Variants in CTNNA3 observed in about 807,000 individuals in gnomAD.
CTNNA3 encodes the protein catenin alpha 3, also known as catenin alpha-3.
In CTNNA3, 76 loss-of-function variants were observed where a neutral mutation model predicts 95.7. The ratio of observed to expected loss-of-function variants is 0.79; its 90% confidence interval spans 0.66 to 0.96. The LOEUF is 0.96. CTNNA3 is among the 40% of genes least tolerant of loss of function. CTNNA3 has a pLI of 0.00. For missense variants in CTNNA3, 1,191 were observed against 1,089.8 expected (o/e 1.09, Z -1.31); for synonymous variants, 431 against 374.4 (o/e 1.15, Z -1.74).
At chr10:67,226,403 T>C (rs1347063162) in intron 5 of CTNNA3, among the ~76,000 whole-genome samples, 2 of 152,090 alleles carry the variant, frequency 1.3e-5, no homozygotes, top group Non-Finnish European at 1.5e-5. Flanking sequence ...GAACAGATCG[T>C]CTCCTAGACA....
intron 11 of CTNNA3, among the ~76,000 whole-genome samples, chr10:66,498,205 T>C (rs915577422): frequency 6.6e-6 from 1 of 152,066 alleles, no homozygotes; most frequent in South Asian, 2.1e-4. Flanking sequence ...TAAAAGAGCA[T>C]AGGATAATAG....
chr10:67,298,495 A>G (rs1001100989), intron 5 of CTNNA3, among the ~76,000 whole-genome samples: 2 of 152,230 alleles, frequency 1.3e-5, no homozygotes, highest in African/African-American at 4.8e-5. Context: ...CAACATGCAT[A>G]TATCTAAAGT....
chr10:66,208,036 A>C (rs959637966), intron 13 of CTNNA3, among the ~76,000 whole-genome samples: 2 of 152,074 alleles, frequency 1.3e-5, no homozygotes, highest in Non-Finnish European at 2.9e-5. Context: ...ACTTCTCTAT[A>C]ATGTTTAATG....
chr10:66,223,880 C>A (rs2089114441), intron 13 of CTNNA3, among the ~76,000 whole-genome samples: 1 of 151,990 alleles, frequency 6.6e-6, no homozygotes, highest in South Asian at 2.1e-4. Context: ...TCATCCAAGT[C>A]TTTAATGGTC....
At chr10:67,312,504 G>A (rs1187721363) in intron 5 of CTNNA3, among the ~76,000 whole-genome samples, 1 of 152,166 alleles carries the variant, frequency 6.6e-6, no homozygotes, top group Non-Finnish European at 1.5e-5. Flanking sequence ...TACACAGAGG[G>A]AGGAAAATAA....
At chr10:67,751,864 G>A (rs533637426) in intron 1 of CTNNA3, among the ~76,000 whole-genome samples, 15 of 148,762 alleles carry the variant, frequency 1.0e-4, no homozygotes, top group Admixed American at 4.7e-4. Context: ...CCCAGGACCA[G>A]ATAGATTTAC....
At chr10:66,986,953 C>A (rs1358684827) in intron 7 of CTNNA3, among the ~76,000 whole-genome samples, 1 of 152,126 alleles carries the variant, frequency 6.6e-6, no homozygotes, top group Non-Finnish European at 1.5e-5. Context: ...GAGTCAAGGT[C>A]ACATCGTCAG....
chr10:67,351,605 A>G (rs1842641594), intron 5 of CTNNA3, among the ~76,000 whole-genome samples: 1 of 152,058 alleles, frequency 6.6e-6, no homozygotes, highest in Non-Finnish European at 1.5e-5. Context: ...CCACCTCTGA[A>G]TAGCTGTAAA....
chr10:66,906,168 C>T (rs2132543258), intron 7 of CTNNA3, among the ~76,000 whole-genome samples: 1 of 152,260 alleles, frequency 6.6e-6, no homozygotes, highest in East Asian at 1.9e-4. Context: ...ATGGGTGAAT[C>T]AGGCCAACCA....
intron 7 of CTNNA3, among the ~76,000 whole-genome samples, chr10:66,781,274 A>G (rs1163404679): frequency 6.6e-6 from 1 of 152,154 alleles, no homozygotes; most frequent in Non-Finnish European, 1.5e-5. Context: ...ATTTTATTCA[A>G]CCTTTTAAAA....
At chr10:65,932,977 G>T (rs111669167) in intron 17 of CTNNA3, among the ~76,000 whole-genome samples, 33 of 152,026 alleles carry the variant, frequency 2.2e-4, no homozygotes, top group African/African-American at 7.2e-4. Flanking sequence ...TGAATTTCTG[G>T]GCAATCCTCA....
chr10:65,990,768 T>C (rs2078529705), intron 15 of CTNNA3, among the ~76,000 whole-genome samples: 1 of 152,054 alleles, frequency 6.6e-6, no homozygotes, highest in South Asian at 2.1e-4. Context: ...CTTTTTAGTT[T>C]AATATAGTCC....
At chr10:66,030,427 C>CA (rs2079427790) in intron 15 of CTNNA3, among the ~76,000 whole-genome samples, 1 of 151,862 alleles carries the variant, frequency 6.6e-6, no homozygotes, top group Non-Finnish European at 1.5e-5. Flanking sequence ...ATTTGAACAT[C>CA]AAAAAAATTG....
chr10:66,404,463 A>G (rs2093042338), intron 11 of CTNNA3, among the ~76,000 whole-genome samples: 1 of 152,138 alleles, frequency 6.6e-6, no homozygotes, highest in South Asian at 2.1e-4. Flanking sequence ...ACTTATTGAG[A>G]TTCTATTGTG....
chr10:67,398,953 T>C (rs559701942), intron 5 of CTNNA3, among the ~76,000 whole-genome samples: 7 of 152,308 alleles, frequency 4.6e-5, no homozygotes, highest in East Asian at 3.9e-4. Context: ...ATTAAGCCTC[T>C]TTCCTTCATA....
At chr10:66,339,282 A>G (rs1415905542) in intron 12 of CTNNA3, among the ~76,000 whole-genome samples, 1 of 151,948 alleles carries the variant, frequency 6.6e-6, no homozygotes, top group African/African-American at 2.4e-5. Context: ...AGCTATTAAA[A>G]GAACAATAAT....
At chr10:67,597,932 A>G (rs1393105562) in intron 3 of CTNNA3, among the ~76,000 whole-genome samples, 2 of 152,202 alleles carry the variant, frequency 1.3e-5, no homozygotes, top group African/African-American at 4.8e-5. Context: ...TATTGGATCT[A>G]CCAGCCAAAG....
chr10:65,994,180 TTTTTCTGTAGTTGTACCA>T (rs1305974164), intron 15 of CTNNA3, among the ~76,000 whole-genome samples: 4 of 152,210 alleles, frequency 2.6e-5, no homozygotes, highest in African/African-American at 4.8e-5. Flanking sequence ...TGGTTTGGTG[TTTTTCTGTAGTTGTACCA>T]TTTGAGTAGT....
intron 5 of CTNNA3, among the ~76,000 whole-genome samples, chr10:67,486,831 C>T (rs569733770): frequency 2.9e-4 from 44 of 152,204 alleles, no homozygotes; most frequent in Middle Eastern, 3.4e-3. Flanking sequence ...CTCTTCTTAC[C>T]TTTCTCTTCT....
Sources: allele counts gnomAD v4.1 joint callset (sites outside exome capture counted in the v4.1 genomes callset), GRCh38; gene constraint gnomAD v4.1.1; transcripts MANE v1.5; gene names NCBI Gene and HGNC (gene_info 2026-07-23, HGNC 2026-07-21).